INTS9: variants seen among roughly 807,000 people sequenced by gnomAD.
INTS9 encodes the protein integrator complex subunit 9, also known as protein related to CPSF subunits of 74 kDa.
A neutral mutation model predicts 79.7 loss-of-function variants in INTS9; 55 were observed. The ratio of observed to expected loss-of-function variants is 0.69; its 90% CI spans 0.56 to 0.86. The LOEUF (loss-of-function observed/expected upper bound fraction) is 0.86, where lower values mean the gene tolerates loss of function less well. INTS9 is among the 40% of genes least tolerant of loss of function. The pLI is 0.00. For synonymous variants in INTS9, 319 were observed against 325.2 expected (o/e 0.98, Z 0.20); for missense variants, 721 against 831.5 (o/e 0.87, Z 1.64).
intron 1 of INTS9, among the ~76,000 whole-genome samples, chr8:28,880,407 T>C (rs28631737): frequency 7.2e-5 from 11 of 151,934 alleles, no homozygotes; most frequent in East Asian, 1.9e-4. Flanking sequence ...TGCAGGCGCG[T>C]GCCGCCACGC....
intron 2 of INTS9, among the ~76,000 whole-genome samples, chr8:28,853,212 G>A (rs1014546362): frequency 1.1e-4 from 17 of 151,938 alleles, no homozygotes; most frequent in African/African-American, 3.9e-4. Context: ...TCAGGGGTTC[G>A]AGACCAGCCT....
chr8:28,768,297 T>TC lies in INTS9; in HGVS notation c.1825dup (p.Glu609GlyfsTer15), dbSNP rs768944813. The TC allele has an allele frequency of 8.7e-6, 14 of 1,613,808 alleles. No homozygotes were observed. The highest frequency in any genetic ancestry group is 1.2e-5 in the Non-Finnish European group (14 of 1,180,024). On this transcript the variant is annotated frameshift_variant, in exon 17 of 17. Transcript: ENST00000521022. LOFTEE classifies it high-confidence loss of function. ...GACGATATGGCCCTTGGCTGTGTCC[T>TC]CCACCTTAATATCACTGAAGCCATG...
At chr8:28,853,208 G>T (rs1269799874) in intron 2 of INTS9, among the ~76,000 whole-genome samples, 1 of 152,060 alleles carries the variant, frequency 6.6e-6, no homozygotes, top group Admixed American at 6.5e-5. Context: ...TAGGTCAGGG[G>T]TTCGAGACCA....
intron 4 of INTS9, among the ~76,000 whole-genome samples, chr8:28,843,663 T>C (rs185499151): frequency 6.6e-6 from 1 of 152,326 alleles, no homozygotes; most frequent in Admixed American, 6.5e-5. Context: ...CAAGTTTTCA[T>C]GCCTGCTGGT....
intron 1 of INTS9, among the ~76,000 whole-genome samples, chr8:28,864,804 T>C (rs1808646627): frequency 6.6e-6 from 1 of 152,102 alleles, no homozygotes; most frequent in East Asian, 1.9e-4. Flanking sequence ...CCTAACATTT[T>C]GGGAGGCTGA....
At chr8:28,804,453 G>A (rs938399436) in intron 8 of INTS9, among the ~76,000 whole-genome samples, 1 of 152,052 alleles carries the variant, frequency 6.6e-6, no homozygotes, top group Non-Finnish European at 1.5e-5. Flanking sequence ...ATTGTGGAAG[G>A]TTCAATACCC....
At chr8:28,814,402 TAGAC>T (rs1156921379) in intron 6 of INTS9, among the ~76,000 whole-genome samples, 5 of 151,008 alleles carry the variant, frequency 3.3e-5, no homozygotes, top group Admixed American at 1.3e-4. Flanking sequence ...TTTTAGAAAG[TAGAC>T]AGACAAATGA....
chr8:28,875,477 G>A (rs1809331767), intron 1 of INTS9, among the ~76,000 whole-genome samples: 1 of 152,022 alleles, frequency 6.6e-6, no homozygotes, highest in African/African-American at 2.4e-5. Context: ...TTCTCCCATT[G>A]GCATTCATCT....
At position 28,767,663 on chromosome 8, in the gene INTS9, A is replaced by G. The variant is rs999310262; in HGVS notation, c.*483T>C. The G allele has an allele frequency of 6.1e-6, 1 of 163,030 alleles. No homozygotes were observed. The highest frequency in any genetic ancestry group is 2.4e-5 in the African/African-American group (1 of 41,558). The allele number at this position is 163,030 out of a possible 1,614,324, so 10.1% of individuals were successfully genotyped here. A position where few individuals can be genotyped will look rare whatever the true frequency, so the allele number is the denominator to read the frequency against. On this transcript the variant is annotated 3_prime_UTR_variant, in exon 17 of 17. Coordinates refer to ENST00000521022, the MANE Select transcript of INTS9 (RefSeq NM_018250.4). ...TAGGTTCAACAGAGGACAGCTAATT[A>G]TATAAAAATAAGTGTTTATTAACAA...
rs1802311562 is a variant in INTS9, at chr8:28,768,086, C to T, written c.*60G>A. The T allele has an allele frequency of 6.5e-7, 1 of 1,537,044 alleles. No homozygotes were observed. On this transcript the variant is annotated 3_prime_UTR_variant, in exon 17 of 17. Transcript: ENST00000521022. Reference sequence around the variant, plus strand: ...GCCTCTCATGCCACTCCTCAGGTGGCTTGTGAGGGCAGCCAGTGAGGGACT... The same window carrying T: ...GCCTCTCATGCCACTCCTCAGGTGGTTTGTGAGGGCAGCCAGTGAGGGACT...
chr8:28,772,603 C>G (rs1413671822), intron 14 of INTS9, among the ~76,000 whole-genome samples: 1 of 151,764 alleles, frequency 6.6e-6, no homozygotes, highest in East Asian at 2.0e-4. Context: ...GTCAGGAGAT[C>G]AAGACCATCC....
At chr8:28,832,949 C>T (rs1342356444) in intron 6 of INTS9, among the ~76,000 whole-genome samples, 1 of 151,108 alleles carries the variant, frequency 6.6e-6, no homozygotes, top group Non-Finnish European at 1.5e-5. Flanking sequence ...GGAGACAGAG[C>T]GAAACTCCAT....
intron 1 of INTS9, among the ~76,000 whole-genome samples, chr8:28,864,517 A>C (rs1808630546): frequency 6.6e-6 from 1 of 152,250 alleles, no homozygotes; most frequent in African/African-American, 2.4e-5. Flanking sequence ...TTGACTCTAA[A>C]ATATGATTAA....
At chr8:28,774,415 A>G (rs1802748089) in intron 14 of INTS9, among the ~76,000 whole-genome samples, 1 of 152,232 alleles carries the variant, frequency 6.6e-6, no homozygotes, top group Non-Finnish European at 1.5e-5. Flanking sequence ...TCTATTTGTA[A>G]GGATGTCTGA....
chr8:28,851,025 C>T (rs1021519441), intron 2 of INTS9, among the ~76,000 whole-genome samples: 2 of 152,074 alleles, frequency 1.3e-5, no homozygotes, highest in African/African-American at 4.8e-5. Flanking sequence ...GCTGAAAGTG[C>T]CAATAACTCA....
intron 3 of INTS9, among the ~76,000 whole-genome samples, chr8:28,849,542 A>G: frequency 6.6e-6 from 1 of 151,820 alleles, no homozygotes; most frequent in East Asian, 1.9e-4. Flanking sequence ...GGCTATCAGG[A>G]CAGGTTGAAA....
chr8:28,859,665 C>T (rs1024292422), intron 1 of INTS9, 102 bp from the exon 2 acceptor site: 13 of 1,288,956 alleles, frequency 1.0e-5, no homozygotes, highest in South Asian at 2.5e-5. Context: ...ATAAGACCAG[C>T]GTGTTAAGTT....
chr8:28,804,569 T>A (rs760414356), intron 8 of INTS9, among the ~76,000 whole-genome samples: 3 of 151,528 alleles, frequency 2.0e-5, no homozygotes, highest in Non-Finnish European at 4.4e-5. Context: ...GGCAAAGTGG[T>A]GACAAGTCAG....
chr8:28,852,298 T>C (rs79559200), intron 2 of INTS9, among the ~76,000 whole-genome samples: 2 of 148,674 alleles, frequency 1.3e-5, no homozygotes, highest in Non-Finnish European at 3.0e-5. Flanking sequence ...TAAACTCTTT[T>C]TTTTTTTTTT....
Sources: allele counts gnomAD v4.1 joint callset (sites outside exome capture counted in the v4.1 genomes callset), GRCh38; gene constraint gnomAD v4.1.1; transcripts MANE v1.5; gene names NCBI Gene and HGNC (gene_info 2026-07-23, HGNC 2026-07-21).